The following SGCZ variants were observed in gnomAD, a reference collection of about 807,000 sequenced individuals.
The protein encoded by SGCZ is sarcoglycan zeta.
Under a neutral mutation model 41.3 loss-of-function variants are expected in SGCZ, and 40 were observed. That is an observed-to-expected ratio of 0.97 (90% CI 0.75 to 1.26). SGCZ has a LOEUF of 1.26. SGCZ is among the 50% of genes most tolerant of loss of function. The pLI is 0.00. For synonymous variants in SGCZ, 206 were observed against 137.5 expected (o/e 1.50, Z -3.49); for missense variants, 552 against 369.8 (o/e 1.49, Z -4.04).
chr8:15,226,230 G>A (rs1801768384), intron 1 of SGCZ, among the ~76,000 whole-genome samples: 1 of 152,106 alleles, frequency 6.6e-6, no homozygotes, highest in Non-Finnish European at 1.5e-5. Context: ...TAAGCATACT[G>A]TCTTTGGGCC....
intron 1 of SGCZ, among the ~76,000 whole-genome samples, chr8:15,233,928 G>T (rs1333658667): frequency 2.0e-5 from 3 of 152,064 alleles, no homozygotes; most frequent in Admixed American, 6.5e-5. Context: ...TTATATTTTT[G>T]ATCTCAAAGC....
chr8:14,434,263 G>C (rs888134170), intron 2 of SGCZ, among the ~76,000 whole-genome samples: 1 of 152,160 alleles, frequency 6.6e-6, no homozygotes, highest in Admixed American at 6.5e-5. Flanking sequence ...CTTTGTCAAA[G>C]ATCAGTTGGC....
intron 1 of SGCZ, among the ~76,000 whole-genome samples, chr8:14,873,942 T>C (rs930839682): frequency 1.3e-5 from 2 of 152,106 alleles, no homozygotes; most frequent in East Asian, 3.9e-4. Flanking sequence ...GAAAGAAAGA[T>C]ATGAAATGCA....
intron 1 of SGCZ, among the ~76,000 whole-genome samples, chr8:15,084,047 G>C (rs953269053): frequency 3.3e-5 from 5 of 152,098 alleles, no homozygotes; most frequent in Admixed American, 2.6e-4. Flanking sequence ...AGTTGAAAAT[G>C]TATACCATGT....
chr8:14,469,693 G>A (rs1291398752), intron 2 of SGCZ, among the ~76,000 whole-genome samples: 1 of 151,834 alleles, frequency 6.6e-6, no homozygotes, highest in African/African-American at 2.4e-5. Flanking sequence ...CCTCACCCCT[G>A]GCTTTCAGGG....
intron 3 of SGCZ, among the ~76,000 whole-genome samples, chr8:14,293,745 T>C (rs1023411831): frequency 1.3e-5 from 2 of 151,904 alleles, no homozygotes; most frequent in African/African-American, 4.8e-5. Flanking sequence ...TAGAATTCTT[T>C]TCTAAGAGGA....
chr8:14,824,508 G>A (rs376085203), intron 1 of SGCZ, among the ~76,000 whole-genome samples: 2 of 151,982 alleles, frequency 1.3e-5, no homozygotes, highest in African/African-American at 2.4e-5. Flanking sequence ...AAAAAATCCA[G>A]GATGTACTCT....
At chr8:15,026,143 G>T (rs1416255998) in intron 1 of SGCZ, among the ~76,000 whole-genome samples, 1 of 150,588 alleles carries the variant, frequency 6.6e-6, no homozygotes, top group Non-Finnish European at 1.5e-5. Context: ...AAGGACTTTT[G>T]ATGTTTATAT....
intron 1 of SGCZ, among the ~76,000 whole-genome samples, chr8:14,832,418 C>T (rs1168312766): frequency 6.6e-6 from 1 of 152,028 alleles, no homozygotes; most frequent in Non-Finnish European, 1.5e-5. Flanking sequence ...CAAGACCAGG[C>T]AAGACCAAGA....
intron 1 of SGCZ, among the ~76,000 whole-genome samples, chr8:14,914,889 C>T (rs976965797): frequency 6.6e-6 from 1 of 152,104 alleles, no homozygotes; most frequent in African/African-American, 2.4e-5. Flanking sequence ...TTGCTGGGAG[C>T]CAGCCCAATA....
chr8:14,571,946 G>A (rs1168903682), intron 1 of SGCZ, among the ~76,000 whole-genome samples: 5 of 152,094 alleles, frequency 3.3e-5, no homozygotes, highest in African/African-American at 1.2e-4. Flanking sequence ...TATAGAAAAG[G>A]TAGGTTGGAA....
chr8:15,075,121 G>T (rs1805483938), intron 1 of SGCZ, among the ~76,000 whole-genome samples: 1 of 146,638 alleles, frequency 6.8e-6, no homozygotes. Context: ...AGTAGCTTAT[G>T]TAAATAAACA....
At chr8:14,641,114 G>A (rs1807011914) in intron 1 of SGCZ, among the ~76,000 whole-genome samples, 1 of 151,412 alleles carries the variant, frequency 6.6e-6, no homozygotes. Flanking sequence ...AGATTAGAGG[G>A]GGTAGGGATA....
intron 4 of SGCZ, among the ~76,000 whole-genome samples, chr8:14,217,426 T>C (rs1416121615): frequency 1.3e-5 from 2 of 151,948 alleles, no homozygotes; most frequent in Non-Finnish European, 2.9e-5. Context: ...ATAGATATTG[T>C]ATGGTATAGT....
chr8:14,706,934 A>G (rs1188348199), intron 1 of SGCZ, among the ~76,000 whole-genome samples: 1 of 151,920 alleles, frequency 6.6e-6, no homozygotes, highest in Non-Finnish European at 1.5e-5. Flanking sequence ...ATTTAGAAGA[A>G]AATTTTCAGA....
chr8:14,987,866 A>G (rs1801877562), intron 1 of SGCZ, among the ~76,000 whole-genome samples: 1 of 152,060 alleles, frequency 6.6e-6, no homozygotes, highest in Non-Finnish European at 1.5e-5. Context: ...TTAAATTGCC[A>G]GTAGTGTTTT....
chr8:14,405,376 A>G (rs1488343707), intron 2 of SGCZ, among the ~76,000 whole-genome samples: 4 of 152,204 alleles, frequency 2.6e-5, no homozygotes, highest in Non-Finnish European at 5.9e-5. Flanking sequence ...CACACATTCC[A>G]TTAAGATTTA....
intron 1 of SGCZ, among the ~76,000 whole-genome samples, chr8:15,031,774 C>G (rs1473176922): frequency 1.3e-5 from 2 of 152,068 alleles, no homozygotes; most frequent in African/African-American, 2.4e-5. Flanking sequence ...AAATGCTAGT[C>G]AAATAAACAG....
intron 1 of SGCZ, among the ~76,000 whole-genome samples, chr8:15,177,335 G>C (rs1292729296): frequency 6.6e-6 from 1 of 152,200 alleles, no homozygotes. Context: ...GATAACGAAA[G>C]AGGAAACCAG....
Sources: allele counts gnomAD v4.1 joint callset (sites outside exome capture counted in the v4.1 genomes callset), GRCh38; gene constraint gnomAD v4.1.1; transcripts MANE v1.5; gene names NCBI Gene and HGNC (gene_info 2026-07-23, HGNC 2026-07-21).